The following C1QTNF8 variants were observed in gnomAD, a reference collection of about 807,000 sequenced individuals.
The protein encoded by C1QTNF8 is C1q and TNF related 8, also known as complement C1q tumor necrosis factor-related protein 8.
In C1QTNF8, 27 loss-of-function variants were observed where a neutral mutation model predicts 19.2. The ratio of observed to expected loss-of-function variants is 1.41; its 90% CI spans 1.04 to 1.94. The LOEUF is 1.94. Ranked by LOEUF, C1QTNF8 falls within the 30% of genes most tolerant of loss-of-function variation. The probability of loss-of-function intolerance (pLI) is 0.00; values close to 1 mark genes in which losing one functional copy is unlikely to be tolerated. For missense variants in C1QTNF8, 484 were observed against 374.4 expected, an observed-to-expected ratio of 1.29 and a Z score of -2.42; for synonymous variants, 208 against 172.8, an observed-to-expected ratio of 1.20 and a Z score of -1.60.
intron 4 of C1QTNF8, 32 bp downstream of exon 4, chr16:1,093,465 C>CGG (rs764305386): frequency 4.1e-6 from 6 of 1,456,186 alleles, no homozygotes; most frequent in Middle Eastern, 2.5e-4. Flanking sequence ...CACGCGCGCG[C>CGG]GCGCCCGGTG....
At position 1,089,142 on chromosome 16, in the gene C1QTNF8, C is replaced by T. The variant is rs1458727076; in HGVS notation, c.*1457G>A. 6.6e-6 allele frequency among the ~76,000 whole-genome samples: 1 copy of T among 152,162 alleles called. No homozygotes were observed. The highest frequency in any genetic ancestry group is 1.5e-5 in the Non-Finnish European group (1 of 68,006). ...GGTTGTCTGGGATTCTGGGGTGCTT[C>T]CCCAGCACAGAACAGGCAGCCTGCG... On this transcript the variant is annotated 3_prime_UTR_variant, in exon 5 of 5. Coordinates refer to ENST00000328449, the MANE Select transcript of C1QTNF8 (RefSeq NM_207419.3).
At chr16:1,091,104 C>A (rs1037299238) in intron 4 of C1QTNF8, among the ~76,000 whole-genome samples, 1 of 152,018 alleles carries the variant, frequency 6.6e-6, no homozygotes, top group Non-Finnish European at 1.5e-5. Flanking sequence ...GGGGGATGGG[C>A]GAGCCGGGCA....
Position 1,093,618 on chromosome 16 carries a change from G to A in C1QTNF8, c.642C>T (p.Gly214=). ...AQSLMLLLAA[G]DAVWVRMFQR... Reference sequence around the variant, plus strand: ...GGAACATGCGCACCCAGACGGCGTCGCCCGCCGCCAGCAGCAGCATCAGGC... The same window carrying A: ...GGAACATGCGCACCCAGACGGCGTCACCCGCCGCCAGCAGCAGCATCAGGC... Residue 214 remains glycine (G), a synonymous_variant, in exon 4 of 5, where the codon GGC becomes GGT. Coordinates refer to ENST00000328449, the MANE Select transcript of C1QTNF8 (RefSeq NM_207419.3). 1 of 1,605,874 alleles carries A rather than the reference G, an allele frequency of 6.2e-7. No homozygotes were observed. The highest frequency in any genetic ancestry group is 8.5e-7 in the Non-Finnish European group (1 of 1,176,460).
rs200400801 is a variant in C1QTNF8, at chr16:1,093,566, C to G, written c.694G>C (p.Gly232Arg). ...FQRDRDNAIYGEHGDLYITFS... is the reference protein window; with the variant it reads ...FQRDRDNAIYREHGDLYITFS... The stretch of plus-strand genomic sequence containing the variant: ...GTGATGTAGAGGTCTCCGTGCTCGC[C>G]GTAGATGGCGTTGTCCCGGTCGCGC... Residue 232 changes from glycine (G) to arginine (R), a missense_variant, in exon 4 of 5, where the codon GGC (glycine) becomes CGC (arginine). By Grantham distance (125) the Gly-to-Arg change is moderately radical. Coordinates refer to ENST00000328449, the MANE Select transcript of C1QTNF8 (RefSeq NM_207419.3). 5 of 1,593,594 alleles carry G rather than the reference C, an allele frequency of 3.1e-6. No individual in the cohort carries two copies. Among genetic ancestry groups the G allele is most frequent in the South Asian group, 1.1e-5 (1 of 89,338 alleles).
intron 4 of C1QTNF8, among the ~76,000 whole-genome samples, chr16:1,092,403 C>G (rs549084025): frequency 6.7e-6 from 1 of 149,562 alleles, no homozygotes; most frequent in Non-Finnish European, 1.5e-5. Flanking sequence ...ACACAGTCGG[C>G]GCTCAATCAA....
intron 4 of C1QTNF8, among the ~76,000 whole-genome samples, chr16:1,092,607 A>C (rs34982911): frequency 0.26 from 4,824 of 18,342 alleles, no homozygotes; most frequent in Admixed American, 0.29. Context: ...GGCGCTCAAC[A>C]AATCACTGCA....
chr16:1,093,613 G>T lies in C1QTNF8; in HGVS notation c.647C>A (p.Ala216Asp), dbSNP rs142237395. The T allele has an allele frequency of 1.9e-4, 309 of 1,605,028 alleles. 1 individual carries two copies. In the African/African-American group the frequency reaches 2.9e-3, roughly 15 times the overall value. The part of the protein sequence containing the change: ...SLMLLLAAGD[A>D]VWVRMFQRDR... ...GCGCTGGAACATGCGCACCCAGACG[G>T]CGTCGCCCGCCGCCAGCAGCAGCAT... The change falls in exon 4 of 5, where the codon GCC (alanine) becomes GAC (aspartate). Residue 216 changes from alanine (A) to aspartate (D), a missense_variant. Coordinates refer to ENST00000328449, the MANE Select transcript of C1QTNF8 (RefSeq NM_207419.3).
At position 1,093,954 on chromosome 16, in the gene C1QTNF8, C is replaced by T. The variant is rs775721659; in HGVS notation, c.306G>A (p.Lys102=). ...CGGCGCCCGGCGGCCCCACCTGCCC[C>T]TTCTGGCCTCTGCGGCCCTGCAGGC... is the stretch of plus-strand genomic sequence containing the variant. ...ARGLQGRRGQ[K]GQVGPPGAAC... is the part of the protein sequence containing the mutation. The change falls in exon 4 of 5, where the codon AAG becomes AAA. Residue 102 remains lysine (K), a synonymous_variant. Coordinates refer to ENST00000328449, the MANE Select transcript of C1QTNF8 (RefSeq NM_207419.3). 1.4e-5 allele frequency: 21 copies of T among 1,495,608 alleles called. No homozygotes were observed. In the Admixed American group the frequency reaches 2.8e-4, roughly 20 times the overall value. 92.6% of individuals were successfully genotyped at this position (1,495,608 alleles called of 1,614,324 possible). A position where few individuals can be genotyped will look rare whatever the true frequency, so the allele number is the denominator to read the frequency against.
At chr16:1,094,586 CTGCCAGGGCAGACACTGG>C in intron 3 of C1QTNF8, 111 bp downstream of exon 3, 2 of 680,408 alleles carry the variant, frequency 2.9e-6, no homozygotes, top group Non-Finnish European at 4.6e-6. Flanking sequence ...GCAGGGAGCG[CTGCCAGGGCAGACACTGG>C]TGCTCAGCGT....
In C1QTNF8 at chr16:1,089,744, G is replaced by A. The variant is rs909505091; in HGVS notation, c.*855C>T. 5.3e-5 allele frequency among the ~76,000 whole-genome samples: 8 copies of A among 152,148 alleles called. No homozygotes were observed. Among genetic ancestry groups the A allele is most frequent in the East Asian group, 3.9e-4 (2 of 5,152 alleles). ...CTGGCACCTCTTAGCGCCACCGGCC[G>A]TCAGCACACGGGGTAGGGCTGGGGG... On this transcript the variant is annotated 3_prime_UTR_variant, in exon 5 of 5. Transcript: ENST00000328449.
intron 4 of C1QTNF8, 98 bp downstream of exon 4, chr16:1,093,399 C>CA: frequency 1.6e-6 from 1 of 614,030 alleles, no homozygotes; most frequent in Non-Finnish European, 2.5e-6. Context: ...CCCACACCCA[C>CA]CCACACACAC....
intron 3 of C1QTNF8, among the ~76,000 whole-genome samples, chr16:1,094,417 A>G (rs1960641175): frequency 6.6e-6 from 1 of 152,142 alleles, no homozygotes; most frequent in Non-Finnish European, 1.5e-5. Context: ...TCTCAGAGCA[A>G]GCGGGCTGCC....
chr16:1,092,737 G>A lies in C1QTNF8; in HGVS notation c.*4+760C>T, dbSNP rs1191090480. Among the ~76,000 whole-genome samples the A allele has an allele frequency of 1.0e-3, 59 of 58,904 alleles. 2 individuals carry two copies. Among genetic ancestry groups the A allele is most frequent in the Admixed American group, 1.4e-3 (8 of 5,690 alleles). The allele number at this position is 58,904 out of a possible 152,430, so 38.6% of individuals were successfully genotyped here. On this transcript the variant is annotated intron_variant, in intron 4 of 4. Transcript: ENST00000328449. ...GCTCAACCAATCACAGCACACAGTC[G>A]GCGCTCAACCAATCACAGCACACAG... is the stretch of plus-strand genomic sequence containing the variant.
chr16:1,093,866 G>C lies in C1QTNF8; in HGVS notation c.394C>G (p.His132Asp), dbSNP rs920826713. The change falls in exon 4 of 5, where the codon CAC becomes GAC. Residue 132 changes from histidine to aspartate, a missense_variant. His to Asp is a moderately conservative substitution (Grantham distance 81). Coordinates refer to ENST00000328449, the MANE Select transcript of C1QTNF8 (RefSeq NM_207419.3). ...GRREGLHSSD[H>D]FQAVPFDTEL... ...GTGTCGAAGGGCACCGCCTGGAAGTGGTCGGAGCTGTGCAGGCCCTCGCGC... is the reference window on the plus strand; with the variant it reads ...GTGTCGAAGGGCACCGCCTGGAAGTCGTCGGAGCTGTGCAGGCCCTCGCGC... 8 of 1,600,522 alleles carry C rather than the reference G, an allele frequency of 5.0e-6. No individual in the cohort carries two copies. The highest frequency in any genetic ancestry group is 6.8e-6 in the Non-Finnish European group (8 of 1,177,752).
At position 1,089,322 on chromosome 16, in the gene C1QTNF8, C is replaced by T. The variant is rs1960495633; in HGVS notation, c.*1277G>A. 2.0e-5 allele frequency among the ~76,000 whole-genome samples: 3 copies of T among 152,116 alleles called. No individual in the cohort carries two copies. The South Asian group carries it at 6.2e-4, about 32-fold the overall frequency. ...TACCCCCCACCTCTGGTTCTTCAAGCACCTGCCACACTTGACCCCAACAGG... is the reference window on the plus strand; with the variant it reads ...TACCCCCCACCTCTGGTTCTTCAAGTACCTGCCACACTTGACCCCAACAGG... On this transcript the variant is annotated 3_prime_UTR_variant, in exon 5 of 5. Coordinates refer to ENST00000328449, the MANE Select transcript of C1QTNF8 (RefSeq NM_207419.3).
chr16:1,091,637 G>A (rs1227372210), intron 4 of C1QTNF8, among the ~76,000 whole-genome samples: 2 of 152,166 alleles, frequency 1.3e-5, no homozygotes, highest in Admixed American at 1.3e-4. Flanking sequence ...CAGGCCATGT[G>A]GACCTGACTT....
chr16:1,093,940 G>GGCCCCACCT lies in C1QTNF8; in HGVS notation c.311_319dup (p.Gln104_Gly106dup). 6.7e-7 allele frequency: 1 copy of GGCCCCACCT among 1,499,308 alleles called. No individual in the cohort carries two copies. Among genetic ancestry groups the GGCCCCACCT allele is most frequent in the Non-Finnish European group, 8.8e-7 (1 of 1,135,420 alleles). The allele number at this position is 1,499,308 out of a possible 1,614,324, so 92.9% of individuals were successfully genotyped here. A position where few individuals can be genotyped will look rare whatever the true frequency, so the allele number is the denominator to read the frequency against. ...GGCACGTCGGCACGCGGCGCCCGGCGGCCCCACCTGCCCCTTCTGGCCTCT... is the reference window on the plus strand; with the variant it reads ...GGCACGTCGGCACGCGGCGCCCGGCGGCCCCACCTGCCCCACCTGCCCCTTCTGGCCTCT... On this transcript the variant is annotated inframe_insertion, in exon 4 of 5. Transcript: ENST00000328449.
At chr16:1,094,658 CCT>C in intron 3 of C1QTNF8, 55 bp downstream of exon 3, 1 of 1,472,182 alleles carries the variant, frequency 6.8e-7, no homozygotes, top group Non-Finnish European at 9.3e-7. Flanking sequence ...CTCCCCACTC[CCT>C]GTGGGCTGTT....
At position 1,093,324 on chromosome 16, in the gene C1QTNF8, C is replaced by A. The variant is rs569401085; in HGVS notation, c.*4+173G>T. 7.4e-4 allele frequency among the ~76,000 whole-genome samples: 106 copies of A among 142,586 alleles called. 1 individual carries two copies. The highest frequency in any genetic ancestry group is 1.4e-3 in the Non-Finnish European group (90 of 65,770). The allele number at this position is 142,586 out of a possible 152,430, so 93.5% of individuals were successfully genotyped here. On this transcript the variant is annotated intron_variant, in intron 4 of 4. Coordinates refer to ENST00000328449, the MANE Select transcript of C1QTNF8 (RefSeq NM_207419.3). ...CGCTCAACCAATCCCTGCACACAGT[C>A]AGCGCTCAACAAATCACTGCACACA...
Sources: gnomAD v4.1 joint callset for allele counts (sites outside exome capture counted in the v4.1 genomes callset) on GRCh38, gnomAD v4.1.1 for gene constraint, MANE v1.5 for transcripts, NCBI Gene and HGNC (gene_info 2026-07-23, HGNC 2026-07-21) for gene names.